Variants in HYDIN observed in about 807,000 individuals in gnomAD.
HYDIN encodes HYDIN axonemal central pair apparatus protein, also known as axonemal central pair apparatus protein HYDIN.
HYDIN carries 132 observed loss-of-function variants against 403.9 expected under a neutral mutation model. The ratio of observed to expected loss-of-function variants is 0.33; its 90% CI spans 0.28 to 0.38. HYDIN has a LOEUF of 0.38. Among genes scored for constraint, HYDIN ranks in the 10% least tolerant of loss-of-function variants. The pLI, the probability that HYDIN is intolerant of heterozygous loss-of-function variation, is 1.00. For synonymous variants in HYDIN, 1,202 were observed against 1,891.7 expected (o/e 0.64, Z 9.46); for missense variants, 2,827 against 5,009.5 (o/e 0.56, Z 13.15).
At chr16:70,880,678 C>T (rs1214681811) in intron 60 of HYDIN, among the ~76,000 whole-genome samples, 1 of 152,178 alleles carries the variant, frequency 6.6e-6, no homozygotes, top group Non-Finnish European at 1.5e-5. Context: ...AGAACAACCT[C>T]CCACAGCACT....
chr16:71,225,698 T>C (rs969320535), intron 1 of HYDIN, among the ~76,000 whole-genome samples: 1 of 152,022 alleles, frequency 6.6e-6, no homozygotes, highest in Non-Finnish European at 1.5e-5. Context: ...GAGGAGGGGC[T>C]TGCAACAAAC....
At chr16:70,849,239 A>G (rs901681459) in intron 75 of HYDIN, among the ~76,000 whole-genome samples, 6 of 152,106 alleles carry the variant, frequency 3.9e-5, no homozygotes, top group African/African-American at 1.2e-4. Flanking sequence ...CACTGCCTTT[A>G]TGGGTATTCA....
At position 70,866,332 on chromosome 16, in the gene HYDIN, G is replaced by A; in HGVS notation, c.11311-3C>T. 1 of 1,053,370 alleles carries A rather than the reference G, an allele frequency of 9.5e-7. No homozygotes were observed. Among genetic ancestry groups the A allele is most frequent in the Non-Finnish European group, 1.4e-6 (1 of 712,540 alleles). The allele number at this position is 1,053,370 out of a possible 1,614,324, so 65.3% of individuals were successfully genotyped here. A position where few individuals can be genotyped will look rare whatever the true frequency, so the allele number is the denominator to read the frequency against. ...GGTTCCGGATCCGTCTCTATCACCT[G>A]TAACAAAGGCAGCTGTGTCCTCAGA... is the stretch of plus-strand genomic sequence containing the variant. On this transcript the variant is annotated splice_polypyrimidine_tract_variant and splice_region_variant and intron_variant, in intron 66 of 85. Coordinates refer to ENST00000393567, the MANE Select transcript of HYDIN (RefSeq NM_001270974.2).
intron 18 of HYDIN, among the ~76,000 whole-genome samples, chr16:71,037,153 A>G (rs2081116635): frequency 6.6e-6 from 1 of 150,870 alleles, no homozygotes; most frequent in South Asian, 2.1e-4. Context: ...GTAGCTCAGG[A>G]TATTGACTGT....
chr16:70,960,253 A>G (rs2078370283), intron 38 of HYDIN, among the ~76,000 whole-genome samples: 1 of 151,386 alleles, frequency 6.6e-6, no homozygotes, highest in Admixed American at 6.6e-5. Flanking sequence ...AGTCAACTAT[A>G]GCCCACAGGC....
chr16:71,172,105 A>T (rs902688875), intron 5 of HYDIN, among the ~76,000 whole-genome samples: 1 of 152,242 alleles, frequency 6.6e-6, no homozygotes, highest in African/African-American at 2.4e-5. Context: ...GTATACATAG[A>T]TAACATAGAA....
chr16:71,019,695 A>G lies in HYDIN; in HGVS notation c.3330+479T>C, dbSNP rs2080406262. On this transcript the variant is annotated intron_variant, in intron 22 of 85. Transcript: ENST00000393567. Reference sequence around the variant, plus strand: ...ATTTACATTATATATAAAAGCACAAAGAAGAAACGAGAAATTTATCCCAAA... The same window carrying G: ...ATTTACATTATATATAAAAGCACAAGGAAGAAACGAGAAATTTATCCCAAA... 6.6e-5 allele frequency among the ~76,000 whole-genome samples: 10 copies of G among 152,392 alleles called. No homozygotes were observed. In the South Asian group the frequency reaches 2.1e-3, roughly 32 times the overall value.
At chr16:70,881,420 A>G (rs2143686167) in intron 60 of HYDIN, among the ~76,000 whole-genome samples, 1 of 143,962 alleles carries the variant, frequency 6.9e-6, no homozygotes, top group Non-Finnish European at 1.5e-5. Context: ...CATCCTGGCT[A>G]ACACGGTGAA....
intron 19 of HYDIN, among the ~76,000 whole-genome samples, chr16:71,028,773 C>T (rs985607962): frequency 2.6e-5 from 4 of 152,172 alleles, no homozygotes; most frequent in Non-Finnish European, 5.9e-5. Context: ...ATAACCATTT[C>T]TAGCTACATA....
At chr16:70,957,419 C>T (rs1458161024) in intron 39 of HYDIN, among the ~76,000 whole-genome samples, 4 of 151,808 alleles carry the variant, frequency 2.6e-5, no homozygotes, top group South Asian at 4.2e-4. Flanking sequence ...CTCTGCCTCC[C>T]GGGTTCAAAT....
chr16:70,930,611 AC>A (rs1336233341), intron 45 of HYDIN, among the ~76,000 whole-genome samples: 2 of 152,076 alleles, frequency 1.3e-5, no homozygotes. Flanking sequence ...AAGAAGAGGA[AC>A]CCCGCATTTT....
Position 70,806,080 on chromosome 16 carries a change from G to T in HYDIN, c.*1500C>A, listed in dbSNP as rs2035092480. Among the ~76,000 whole-genome samples, 1 of 152,112 alleles carries T rather than the reference G, an allele frequency of 6.6e-6. No homozygotes were observed. ...ATGGGATCGCAATGCTTGTGTTCAA[G>T]GAAACCTTATTTAGTTTAATAATGG... is the stretch of plus-strand genomic sequence containing the variant. On this transcript the variant is annotated 3_prime_UTR_variant, in exon 86 of 86. Coordinates refer to ENST00000393567, the MANE Select transcript of HYDIN (RefSeq NM_001270974.2).
rs1212491651 is a variant in HYDIN, at chr16:70,804,687, T to A, written c.*2893A>T. On this transcript the variant is annotated 3_prime_UTR_variant, in exon 86 of 86. Transcript: ENST00000393567. ...AGAGCATTGAGGGGAACTATGATCTTTAGCAGGGTCTACGTGATTCTGAAA... is the reference window on the plus strand; with the variant it reads ...AGAGCATTGAGGGGAACTATGATCTATAGCAGGGTCTACGTGATTCTGAAA... Among the ~76,000 whole-genome samples, 1 of 152,204 alleles carries A rather than the reference T, an allele frequency of 6.6e-6. No individual in the cohort carries two copies. Among genetic ancestry groups the A allele is most frequent in the Non-Finnish European group, 1.5e-5 (1 of 68,028 alleles).
At chr16:71,228,299 G>A (rs1036657561) in intron 1 of HYDIN, among the ~76,000 whole-genome samples, 89 of 151,910 alleles carry the variant, frequency 5.9e-4, no homozygotes, top group South Asian at 1.2e-3. Flanking sequence ...ACAAAAGCCA[G>A]AATTGACAAA....
intron 1 of HYDIN, among the ~76,000 whole-genome samples, chr16:71,222,196 A>C (rs533833575): frequency 4.6e-5 from 7 of 152,322 alleles, no homozygotes; most frequent in Admixed American, 3.9e-4. Flanking sequence ...ACAAGTCAAT[A>C]AATGTGATAT....
chr16:71,186,574 T>C (rs1197014647), intron 2 of HYDIN, among the ~76,000 whole-genome samples, 187 bp downstream of exon 2: 1 of 152,148 alleles, frequency 6.6e-6, no homozygotes, highest in Non-Finnish European at 1.5e-5. Context: ...TTGAAGTATG[T>C]ATGCAATTTC....
At chr16:70,949,923 A>G (rs1294259567) in intron 41 of HYDIN, among the ~76,000 whole-genome samples, 2 of 152,280 alleles carry the variant, frequency 1.3e-5, no homozygotes, top group Non-Finnish European at 2.9e-5. Flanking sequence ...ATGAGTTTTG[A>G]TAACACCCTA....
chr16:71,138,842 G>A (rs1363215374), intron 7 of HYDIN, among the ~76,000 whole-genome samples: 3 of 152,106 alleles, frequency 2.0e-5, no homozygotes, highest in African/African-American at 4.8e-5. Context: ...CCAGCACTTC[G>A]GGAGGCCGAG....
intron 1 of HYDIN, among the ~76,000 whole-genome samples, chr16:71,224,585 G>A (rs1442815516): frequency 7.7e-5 from 10 of 129,780 alleles, no homozygotes; most frequent in East Asian, 4.6e-4. Flanking sequence ...TTTTTGAGAC[G>A]GAGTCTCGCT....
Sources: gnomAD v4.1 joint callset for allele counts (sites outside exome capture counted in the v4.1 genomes callset) on GRCh38, gnomAD v4.1.1 for gene constraint, MANE v1.5 for transcripts, NCBI Gene and HGNC (gene_info 2026-07-23, HGNC 2026-07-21) for gene names.